Variants in GOLGB1 observed in about 807,000 individuals in gnomAD.
GOLGB1 encodes golgin subfamily B member 1.
In GOLGB1, 174 loss-of-function variants were observed where a neutral mutation model predicts 336.9. The observed-to-expected ratio is 0.52, with a 90% CI of 0.46 to 0.59. The LOEUF (loss-of-function observed/expected upper bound fraction) is 0.59, where lower values mean the gene tolerates loss of function less well. GOLGB1 is among the 20% of genes least tolerant of loss of function. The pLI, the probability that GOLGB1 is intolerant of heterozygous loss-of-function variation, is 0.00. For synonymous variants in GOLGB1, 1,208 were observed against 1,289.2 expected (o/e 0.94, Z 1.35); for missense variants, 3,331 against 3,645.3 (o/e 0.91, Z 2.22).
chr3:121,709,875 G>C (rs994914647), intron 10 of GOLGB1, among the ~76,000 whole-genome samples: 1 of 151,960 alleles, frequency 6.6e-6, no homozygotes, highest in African/African-American at 2.4e-5. Flanking sequence ...GTGGTTCTTT[G>C]AAAAGATGGG....
intron 15 of GOLGB1, among the ~76,000 whole-genome samples, chr3:121,678,571 A>AT (rs113459060): frequency 0.23 from 33,480 of 146,222 alleles, 3,941 homozygotes; most frequent in East Asian, 0.46. Flanking sequence ...AGCTTTTTGA[A>AT]TTTTTTTTTT....
chr3:121,690,575 G>A (rs1942314680), intron 14 of GOLGB1, 95 bp downstream of exon 14: 1 of 604,300 alleles, frequency 1.7e-6, no homozygotes, highest in Non-Finnish European at 2.6e-6. Flanking sequence ...CAGATAATAT[G>A]TATAAGAATG....
intron 2 of GOLGB1, chr3:121,730,227 T>C (rs754080548): frequency 6.5e-5 from 28 of 428,812 alleles, no homozygotes; most frequent in Non-Finnish European, 1.1e-4. Context: ...CATTATCCCA[T>C]TTAAGGTATT....
In GOLGB1 at chr3:121,696,070, G is replaced by A; in HGVS notation, c.4453C>T (p.Gln1485Ter). 3.7e-6 allele frequency: 6 copies of A among 1,613,834 alleles called. No homozygotes were observed. The highest frequency in any genetic ancestry group is 5.1e-6 in the Non-Finnish European group (6 of 1,179,960). The change falls in exon 13 of 22, where the codon CAA becomes TAA. Residue 1485 changes from glutamine to a stop codon, truncating the protein, a stop_gained. Transcript: ENST00000614479. LOFTEE classifies it high-confidence loss of function. Reference protein sequence around the residue: ...EIGEESRAKQQIQRKLQAALI... With the variant: ...EIGEESRAKQ ...GCAGCTTGCAGTTTCCTTTGTATTTGTTGCTTTGCTCTACTTTCTTCTCCA... is the reference window on the plus strand; with the variant it reads ...GCAGCTTGCAGTTTCCTTTGTATTTATTGCTTTGCTCTACTTTCTTCTCCA...
In GOLGB1 at chr3:121,665,400, A is replaced by ATTCAATACCCAACTTTGTCT. The variant is rs145442765; in HGVS notation, c.9555-389_9555-370dup. Among the ~76,000 whole-genome samples, 889 of 152,358 alleles carry ATTCAATACCCAACTTTGTCT rather than the reference A, an allele frequency of 5.8e-3. 39 individuals are homozygous for ATTCAATACCCAACTTTGTCT. The East Asian group carries it at 0.14, about 23-fold the overall frequency. ...ACAGCCAGTAAGCGGCAGAGCCAGA[A>ATTCAATACCCAACTTTGTCT]TTCAATACCCAACTTTGTCTTTCAA... On this transcript the variant is annotated intron_variant, in intron 20 of 21. Transcript: ENST00000614479.
At position 121,669,288 on chromosome 3, in the gene GOLGB1, C is replaced by G; in HGVS notation, c.9245G>C (p.Arg3082Pro). ...IQLCDTSQSL[R>P]ENQQHYGDLL... ...GTCACCATAGTGCTGCTGGTTCTCA[C>G]GAAGACTCTGACTGGTATCGCAGAG... is the stretch of plus-strand genomic sequence containing the variant. The change falls in exon 18 of 22, where the codon CGT becomes CCT. Residue 3082 changes from arginine (R) to proline (P), a missense_variant. Arg to Pro is a moderately radical substitution (Grantham distance 103, BLOSUM62 -2). Coordinates refer to ENST00000614479, the MANE Select transcript of GOLGB1 (RefSeq NM_001366282.2). The G allele has an allele frequency of 6.2e-7, 1 of 1,613,878 alleles. No homozygotes were observed. The highest frequency in any genetic ancestry group is 8.5e-7 in the Non-Finnish European group (1 of 1,179,758).
chr3:121,714,823 A>G, intron 10 of GOLGB1, 38 bp downstream of exon 10: 2 of 1,226,308 alleles, frequency 1.6e-6, no homozygotes, highest in Non-Finnish European at 2.4e-6. Flanking sequence ...CAGCAAAGAC[A>G]AACAGTTAAT....
At chr3:121,666,672 A>G (rs909286523) in intron 20 of GOLGB1, among the ~76,000 whole-genome samples, 3 of 152,258 alleles carry the variant, frequency 2.0e-5, no homozygotes, top group African/African-American at 7.2e-5. Context: ...ACAAGAAAGC[A>G]TTAATATCAG....
Position 121,692,128 on chromosome 3 carries a change from A to C in GOLGB1, c.7236T>G (p.Asp2412Glu). ...GGTTTTCCAGCTCTTTAATTTCTTT[A>C]TCATGTTGCTGACGCAGTTCAGCAA... ...VAIAELRQQH[D>E]KEIKELENLL... Residue 2412 changes from aspartate (D) to glutamate (E), a missense_variant, in exon 14 of 22, where the codon GAT becomes GAG. Coordinates refer to ENST00000614479, the MANE Select transcript of GOLGB1 (RefSeq NM_001366282.2). The C allele has an allele frequency of 6.2e-7, 1 of 1,613,426 alleles. No homozygotes were observed. Among genetic ancestry groups the C allele is most frequent in the Non-Finnish European group, 8.5e-7 (1 of 1,179,752 alleles).
At chr3:121,688,185 T>C (rs138434950) in intron 14 of GOLGB1, among the ~76,000 whole-genome samples, 2 of 152,158 alleles carry the variant, frequency 1.3e-5, no homozygotes, top group African/African-American at 4.8e-5. Flanking sequence ...CCTCTCTCTC[T>C]CCCCATGGTC....
chr3:121,728,709 G>C (rs778186894), intron 4 of GOLGB1, among the ~76,000 whole-genome samples: 2 of 152,168 alleles, frequency 1.3e-5, no homozygotes, highest in Admixed American at 6.5e-5. Context: ...AGAGTCCCAG[G>C]TAATTCAGCT....
rs570011352 is a variant in GOLGB1 at position 121,736,105 on chromosome 3, A to G, written c.-2-5132T>C. On this transcript the variant is annotated intron_variant, in intron 1 of 21. Transcript: ENST00000614479. ...AACCCAAATAAAAAATTAAATACCC[A>G]TCAGTCAATACTGATATAAATAAAT... 5.9e-5 allele frequency among the ~76,000 whole-genome samples: 9 copies of G among 152,344 alleles called. No homozygotes were observed. The South Asian group carries it at 1.9e-3, about 32-fold the overall frequency.
At chr3:121,731,617 C>T (rs923413271) in intron 1 of GOLGB1, among the ~76,000 whole-genome samples, 1 of 152,034 alleles carries the variant, frequency 6.6e-6, no homozygotes, top group Non-Finnish European at 1.5e-5. Flanking sequence ...TTTTTATGTG[C>T]CCCATGAACC....
At chr3:121,699,344 T>TG (rs1943205645) in intron 12 of GOLGB1, among the ~76,000 whole-genome samples, 2 of 152,156 alleles carry the variant, frequency 1.3e-5, no homozygotes, top group Non-Finnish European at 2.9e-5. Flanking sequence ...CACAGCTAAC[T>TG]AAACAAAACG....
chr3:121,729,202 C>T lies in GOLGB1; in HGVS notation c.388G>A (p.Glu130Lys). The change falls in exon 4 of 22, where the codon GAG becomes AAG. Residue 130 changes from glutamate to lysine, a missense_variant. Glu to Lys is a moderately conservative substitution (Grantham distance 56). Coordinates refer to ENST00000614479, the MANE Select transcript of GOLGB1 (RefSeq NM_001366282.2). ...TVLPTEPQSE[E>K]QLSKHDKSST... ...AGTCACCATACCTTGGAAAGTTGCTCCTCTGACTGAGGTTCTGTAGGCAGA... is the reference window on the plus strand; with the variant it reads ...AGTCACCATACCTTGGAAAGTTGCTTCTCTGACTGAGGTTCTGTAGGCAGA... The T allele has an allele frequency of 1.9e-6, 3 of 1,606,696 alleles. No individual in the cohort carries two copies. The highest frequency in any genetic ancestry group is 1.1e-5 in the South Asian group (1 of 89,344).
chr3:121,703,496 A>G (rs1560257041), intron 10 of GOLGB1, among the ~76,000 whole-genome samples: 1 of 152,168 alleles, frequency 6.6e-6, no homozygotes. Context: ...AGGAAGGAGG[A>G]GCCCTGAATT....
Position 121,695,836 on chromosome 3 carries a change from A to C in GOLGB1, c.4687T>G (p.Ser1563Ala). ...RDKLITEMDR[S>A]LLENQSLSSS... ...CTGAGACTCTGATTTTCCAATAAAG[A>C]CCTGTCCATTTCTGTAATGAGTTTG... The change falls in exon 13 of 22, where the codon TCT (serine) becomes GCT (alanine). Residue 1563 changes from serine (S) to alanine (A), a missense_variant. Physicochemically the swap from Ser to Ala is moderately conservative, Grantham distance 99. Coordinates refer to ENST00000614479, the MANE Select transcript of GOLGB1 (RefSeq NM_001366282.2). 6.2e-7 allele frequency: 1 copy of C among 1,613,994 alleles called. No individual in the cohort carries two copies. The highest frequency in any genetic ancestry group is 8.5e-7 in the Non-Finnish European group (1 of 1,179,936).
At chr3:121,667,247 T>C (rs1938753136) in intron 20 of GOLGB1, among the ~76,000 whole-genome samples, 1 of 152,210 alleles carries the variant, frequency 6.6e-6, no homozygotes, top group Admixed American at 6.5e-5. Context: ...TCAGTAATGG[T>C]AGATATCATT....
At chr3:121,707,201 T>C (rs1488145757) in intron 10 of GOLGB1, among the ~76,000 whole-genome samples, 3 of 125,246 alleles carry the variant, frequency 2.4e-5, no homozygotes, top group African/African-American at 9.2e-5. Context: ...CCCTCCAGCC[T>C]GGTGACAAAG....
Sources: allele counts gnomAD v4.1 joint callset (sites outside exome capture counted in the v4.1 genomes callset), GRCh38; gene constraint gnomAD v4.1.1; transcripts MANE v1.5; gene names NCBI Gene and HGNC (gene_info 2026-07-23, HGNC 2026-07-21).